The following MGA variants were observed in gnomAD, a reference collection of about 807,000 sequenced individuals.
MGA encodes MAX gene-associated protein.
In MGA, 40 loss-of-function variants were observed where a neutral mutation model predicts 261.1. That is an observed-to-expected ratio of 0.15 (90% CI 0.12 to 0.20). The LOEUF is 0.20. Ranked by LOEUF, MGA falls within the 10% of genes least tolerant of loss-of-function variation. The pLI is 1.00. For synonymous variants in MGA, 1,302 were observed against 1,290.6 expected (o/e 1.01, Z -0.19); for missense variants, 3,397 against 3,630.5 (o/e 0.94, Z 1.65).
At chr15:41,645,680 GTAGA>G (rs1417888109) in intron 1 of MGA, among the ~76,000 whole-genome samples, 1 of 152,222 alleles carries the variant, frequency 6.6e-6, no homozygotes, top group Non-Finnish European at 1.5e-5. Flanking sequence ...AATTGCACAA[GTAGA>G]TAGATTTTGA....
intron 1 of MGA, among the ~76,000 whole-genome samples, chr15:41,660,825 G>A (rs1448993311): frequency 6.6e-6 from 1 of 152,186 alleles, no homozygotes; most frequent in Non-Finnish European, 1.5e-5. Flanking sequence ...GGTGAGAAGC[G>A]CCCATGGCTC....
At chr15:41,625,381 T>C (rs1180741941) in intron 1 of MGA, among the ~76,000 whole-genome samples, 1 of 151,480 alleles carries the variant, frequency 6.6e-6, no homozygotes, top group African/African-American at 2.4e-5. Context: ...CCTGGCAAAT[T>C]GTGAGAAAAA....
intron 5 of MGA, among the ~76,000 whole-genome samples, chr15:41,702,032 T>C (rs574072620): frequency 1.3e-5 from 2 of 152,268 alleles, no homozygotes; most frequent in African/African-American, 2.4e-5. Context: ...TAAAAAGCCA[T>C]ACTTGGGCCA....
At position 41,719,874 on chromosome 15, in the gene MGA, G is replaced by T. The variant is rs550873645; in HGVS notation, c.3430+6378G>T. Among the ~76,000 whole-genome samples, 68 of 152,192 alleles carry T rather than the reference G, an allele frequency of 4.5e-4. No homozygotes were observed. In the South Asian group the frequency reaches 0.011, roughly 24 times the overall value. ...TTAGATATGAATATTTATGTAATTT[G>T]CTGTATAACGGATTAAATGAGATTA... is the stretch of plus-strand genomic sequence containing the variant. On this transcript the variant is annotated intron_variant, in intron 9 of 23. Coordinates refer to ENST00000219905, the MANE Select transcript of MGA (RefSeq NM_001164273.2).
intron 9 of MGA, among the ~76,000 whole-genome samples, chr15:41,715,531 T>C (rs2060588724): frequency 6.6e-6 from 1 of 152,186 alleles, no homozygotes; most frequent in African/African-American, 2.4e-5. Flanking sequence ...AAGTTGTTAA[T>C]ATAGCTGAAT....
intron 1 of MGA, among the ~76,000 whole-genome samples, chr15:41,636,406 C>T (rs2056707925): frequency 6.6e-6 from 1 of 151,092 alleles, no homozygotes; most frequent in Admixed American, 6.6e-5. Context: ...GTTTCTTCTG[C>T]CTCAGCCTCC....
intron 1 of MGA, among the ~76,000 whole-genome samples, chr15:41,636,249 C>T (rs2056701968): frequency 6.6e-6 from 1 of 151,386 alleles, no homozygotes; most frequent in Non-Finnish European, 1.5e-5. Context: ...AGCAATTCTC[C>T]CATCTCAACC....
intron 5 of MGA, among the ~76,000 whole-genome samples, chr15:41,707,018 T>G (rs973947622): frequency 6.6e-6 from 1 of 152,216 alleles, no homozygotes; most frequent in African/African-American, 2.4e-5. Context: ...ATGTCATTAA[T>G]AAGGACTAGA....
chr15:41,729,042 A>G (rs1278929166), intron 10 of MGA, 122 bp from the exon 11 acceptor site: 1 of 976,714 alleles, frequency 1.0e-6, no homozygotes, highest in Non-Finnish European at 1.5e-6. Context: ...GTTTGATTTG[A>G]AAGTTTGCAT....
At chr15:41,750,961 T>C (rs1385771914) in intron 17 of MGA, 2 of 181,394 alleles carry the variant, frequency 1.1e-5, no homozygotes, top group Non-Finnish European at 2.3e-5. Context: ...GAGGTGGTTG[T>C]AGCTTCTCTG....
At chr15:41,623,139 C>G (rs957910279) in intron 1 of MGA, among the ~76,000 whole-genome samples, 5 of 152,122 alleles carry the variant, frequency 3.3e-5, no homozygotes, top group African/African-American at 1.2e-4. Context: ...TTACATGATT[C>G]CAACCAGATT....
In MGA at chr15:41,669,628, C is replaced by G. The variant is rs779469943; in HGVS notation, c.734C>G (p.Thr245Ser). 1 of 1,613,818 alleles carries G rather than the reference C, an allele frequency of 6.2e-7. No individual in the cohort carries two copies. Among genetic ancestry groups the G allele is most frequent in the Non-Finnish European group, 8.5e-7 (1 of 1,179,852 alleles). The change falls in exon 2 of 24, where the codon ACT becomes AGT. Residue 245 changes from threonine (T) to serine (S), a missense_variant. Around this residue, in one of 9 missense-constraint regions of MGA, gnomAD observed 563 missense variants for 563.6 expected, o/e 1.00. Transcript: ENST00000219905. ...ACAGCTTATCAGAACATTCAGATTA[C>G]TCAGCTGAAAATAGATTACAATCCA...
At chr15:41,725,982 A>C (rs2061228434) in intron 9 of MGA, among the ~76,000 whole-genome samples, 1 of 152,208 alleles carries the variant, frequency 6.6e-6, no homozygotes, top group Non-Finnish European at 1.5e-5. Flanking sequence ...ATTTATTAAC[A>C]AGTAAAAATG....
At position 41,711,090 on chromosome 15, in the gene MGA, C is replaced by T. The variant is rs937601031; in HGVS notation, c.2825C>T (p.Ser942Phe). 7 of 1,614,016 alleles carry T rather than the reference C, an allele frequency of 4.3e-6. No homozygotes were observed. Among genetic ancestry groups the T allele is most frequent in the Non-Finnish European group, 5.9e-6 (7 of 1,179,900 alleles). Reference sequence around the variant, plus strand: ...CTAGGAGATAAGGTTACCAAGAATTCTTCAGGCATCATCTCAGAAAATCAG... The same window carrying T: ...CTAGGAGATAAGGTTACCAAGAATTTTTCAGGCATCATCTCAGAAAATCAG... Residue 942 changes from serine to phenylalanine, a missense_variant, in exon 8 of 24, where the codon TCT (serine) becomes TTT (phenylalanine). This residue lies in a region of MGA where 519 missense variants were observed against 554.1 expected (regional missense o/e 0.94). Transcript: ENST00000219905.
At chr15:41,684,132 A>G (rs980971567) in intron 2 of MGA, among the ~76,000 whole-genome samples, 4 of 152,138 alleles carry the variant, frequency 2.6e-5, no homozygotes, top group African/African-American at 9.7e-5. Flanking sequence ...ACTGGCCTGT[A>G]AATTCCTTGA....
chr15:41,635,987 G>A (rs1463263484), intron 1 of MGA, among the ~76,000 whole-genome samples: 1 of 151,928 alleles, frequency 6.6e-6, no homozygotes, highest in Non-Finnish European at 1.5e-5. Context: ...ATAAAATTCA[G>A]TACTAGATGA....
Position 41,766,754 on chromosome 15 carries a change from A to C in MGA, c.8672A>C (p.Gln2891Pro), listed in dbSNP as rs201257858. ...GGTTTGAAAGAGTTGCCTGATGTTC[A>C]AGGGGAGAGTGACTCTATCAGTCCC... The change falls in exon 24 of 24, where the codon CAA (glutamine) becomes CCA (proline). Residue 2891 changes from glutamine (Q) to proline (P), a missense_variant. Gln to Pro is a moderately conservative substitution (Grantham distance 76). Around this residue, in one of 9 missense-constraint regions of MGA, gnomAD observed 647 missense variants for 642.4 expected, o/e 1.01. Coordinates refer to ENST00000219905, the MANE Select transcript of MGA (RefSeq NM_001164273.2). 21 of 1,613,856 alleles carry C rather than the reference A, an allele frequency of 1.3e-5. No individual in the cohort carries two copies. The African/African-American group carries it at 2.7e-4, about 21-fold the overall frequency.
chr15:41,727,150 C>T (rs1288477256), intron 9 of MGA, 30 bp from the exon 10 acceptor site: 1 of 1,570,424 alleles, frequency 6.4e-7, no homozygotes, highest in South Asian at 1.2e-5. Flanking sequence ...GCCAAAAGTA[C>T]CTAAAACCTT....
chr15:41,756,782 C>CG (rs1388948766), intron 18 of MGA, among the ~76,000 whole-genome samples: 2 of 152,044 alleles, frequency 1.3e-5, no homozygotes, highest in Non-Finnish European at 2.9e-5. Flanking sequence ...TTTGTAGAGA[C>CG]GGAGTCTTGC....
Sources: gnomAD v4.1 joint callset for allele counts (sites outside exome capture counted in the v4.1 genomes callset) on GRCh38, gnomAD v4.1.1 for gene constraint, gnomAD v4.1.1 regional missense constraint, MANE v1.5 for transcripts, NCBI Gene and HGNC (gene_info 2026-07-23, HGNC 2026-07-21) for gene names.